STAT5B: variants seen among roughly 807,000 people sequenced by gnomAD.
STAT5B encodes transcription factor STAT5B.
In STAT5B, 21 loss-of-function variants were observed where a neutral mutation model predicts 107.8. The observed-to-expected ratio is 0.19, with a 90% CI of 0.14 to 0.28. The LOEUF is 0.28. STAT5B is among the 10% of genes least tolerant of loss of function. The probability of loss-of-function intolerance (pLI) is 1.00; values close to 1 mark genes in which losing one functional copy is unlikely to be tolerated. For synonymous variants in STAT5B, 325 were observed against 401.7 expected, an observed-to-expected ratio of 0.81 and a Z score of 2.28; for missense variants, 565 against 1,008.2, an observed-to-expected ratio of 0.56 and a Z score of 5.95.
intron 3 of STAT5B, among the ~76,000 whole-genome samples, chr17:42,225,675 ACTAT>A (rs1439816564): frequency 6.6e-6 from 1 of 152,206 alleles, no homozygotes. Flanking sequence ...GATTGCTTAT[ACTAT>A]CTAATACAAA....
upstream of STAT5B, chr17:42,276,512 C>T (rs1465218042): frequency 2.0e-5 from 3 of 150,894 alleles, no homozygotes; most frequent in Non-Finnish European, 4.4e-5. This position sits in a 1 kb window ranked among gnomAD's most constrained non-coding sequence, Gnocchi z 4.8. Flanking sequence ...GGCGCGCGCT[C>T]GCTAGCCCGC....
intron 15 of STAT5B, 34 bp from the exon 16 acceptor site, chr17:42,207,762 C>T: frequency 2.5e-6 from 4 of 1,611,732 alleles, no homozygotes; most frequent in Non-Finnish European, 3.4e-6. Flanking sequence ...ACATTCTAAA[C>T]ATGATTTCTG....
At chr17:42,280,613 C>T (rs1598348985), upstream of STAT5B, among the ~76,000 whole-genome samples, 1 of 152,184 alleles carries the variant, frequency 6.6e-6, no homozygotes, top group Non-Finnish European at 1.5e-5. Context: ...TGAATCCTTC[C>T]ATAGGGGGAT....
Position 42,201,570 on chromosome 17 carries a change from T to C in STAT5B, c.*168A>G. On this transcript the variant is annotated 3_prime_UTR_variant, in exon 19 of 19. Coordinates refer to ENST00000293328, the MANE Select transcript of STAT5B (RefSeq NM_012448.4). Reference sequence around the variant, plus strand: ...CACACACACAAACACATACTCGCACTCCCTTCGCTGGTGCCACCATGCACA... The same window carrying C: ...CACACACACAAACACATACTCGCACCCCCTTCGCTGGTGCCACCATGCACA... 1 of 691,544 alleles carries C rather than the reference T, an allele frequency of 1.4e-6. No homozygotes were observed. The allele number at this position is 691,544 out of a possible 1,614,324, so 42.8% of individuals were successfully genotyped here. A position where few individuals can be genotyped will look rare whatever the true frequency, so the allele number is the denominator to read the frequency against.
chr17:42,214,540 T>C, intron 12 of STAT5B: 1 of 985,418 alleles, frequency 1.0e-6, no homozygotes, highest in Non-Finnish European at 1.2e-6. Context: ...AACTGGAAGG[T>C]AACCCATGCT....
At chr17:42,246,493 T>C (rs1262418006) in intron 1 of STAT5B, among the ~76,000 whole-genome samples, 2 of 152,196 alleles carry the variant, frequency 1.3e-5, no homozygotes, top group Admixed American at 1.3e-4. Flanking sequence ...TAATAGCAGA[T>C]TAATTTGTAA....
intron 13 of STAT5B, among the ~76,000 whole-genome samples, chr17:42,211,235 A>T (rs1317419749): frequency 1.4e-5 from 2 of 148,100 alleles, no homozygotes; most frequent in African/African-American, 2.5e-5. Context: ...GGGTGGGCAC[A>T]GTGGACTCAC....
chr17:42,265,509 T>C (rs945195540), intron 1 of STAT5B, among the ~76,000 whole-genome samples: 2 of 151,750 alleles, frequency 1.3e-5, no homozygotes, highest in African/African-American at 2.4e-5. Context: ...CGTGCCACCA[T>C]GCCCAGCTAA....
At chr17:42,251,722 G>A (rs955472848) in intron 1 of STAT5B, among the ~76,000 whole-genome samples, 1 of 152,090 alleles carries the variant, frequency 6.6e-6, no homozygotes, top group Non-Finnish European at 1.5e-5. Context: ...CAAATAGATT[G>A]GGTGCGGTGG....
intron 9 of STAT5B, 147 bp downstream of exon 9, chr17:42,218,004 C>A (rs1444802664): frequency 2.1e-6 from 3 of 1,398,412 alleles, no homozygotes; most frequent in African/African-American, 1.4e-5. Flanking sequence ...CCACACCAGG[C>A]CCAAGAACTT....
At chr17:42,281,151 A>AC (rs1174979009), upstream of STAT5B, among the ~76,000 whole-genome samples, 9 of 151,966 alleles carry the variant, frequency 5.9e-5, no homozygotes, top group Non-Finnish European at 1.2e-4. Flanking sequence ...AAAAACAAAA[A>AC]CAAAAACAAA....
At chr17:42,264,577 T>A (rs1468608663) in intron 1 of STAT5B, among the ~76,000 whole-genome samples, 2 of 152,122 alleles carry the variant, frequency 1.3e-5, no homozygotes, top group East Asian at 3.8e-4. Flanking sequence ...ATGGTGTGTA[T>A]GTGCCACATT....
At chr17:42,235,009 A>T (rs2080345938) in intron 1 of STAT5B, 1 of 152,364 alleles carries the variant, frequency 6.6e-6, no homozygotes, top group Admixed American at 6.5e-5. Flanking sequence ...CATAGCTCTC[A>T]ATGAATATGT....
chr17:42,202,587 A>C, intron 17 of STAT5B, 140 bp from the exon 18 acceptor site: 1 of 1,425,020 alleles, frequency 7.0e-7, no homozygotes, highest in East Asian at 2.3e-5. Context: ...CTCCAGCTAC[A>C]GGAGTGGGGC....
intron 1 of STAT5B, among the ~76,000 whole-genome samples, chr17:42,244,505 G>T (rs1022710517): frequency 6.6e-6 from 1 of 152,060 alleles, no homozygotes; most frequent in Non-Finnish European, 1.5e-5. Flanking sequence ...AAACTCCTCA[G>T]CTACTACAAT....
chr17:42,213,594 C>T (rs971764857), intron 12 of STAT5B, among the ~76,000 whole-genome samples: 26 of 152,000 alleles, frequency 1.7e-4, no homozygotes, highest in African/African-American at 6.3e-4. Context: ...GTGGCACCAT[C>T]TCAGGTCACT....
In STAT5B at chr17:42,207,700, A is replaced by G. The variant is rs767238307; in HGVS notation, c.1935T>C (p.Pro645=). Residue 645 remains proline, a synonymous_variant, in exon 16 of 19, where the codon CCT becomes CCC. Coordinates refer to ENST00000293328, the MANE Select transcript of STAT5B (RefSeq NM_012448.4). ...SQERMFWNLM[P]FTTRDFSIRS... is the part of the protein sequence containing the mutation. ...GAATGGAGAAGTCTCTGGTGGTAAA[A>G]GGCATCAGATTCCAAAACATTCTTT... 3.1e-6 allele frequency: 5 copies of G among 1,614,168 alleles called. No individual in the cohort carries two copies. The highest frequency in any genetic ancestry group is 2.7e-5 in the African/African-American group (2 of 75,040).
intron 1 of STAT5B, among the ~76,000 whole-genome samples, chr17:42,274,259 T>C (rs1276984336): frequency 3.4e-5 from 5 of 144,942 alleles, no homozygotes; most frequent in Non-Finnish European, 7.5e-5. Flanking sequence ...AATCAACTTT[T>C]TTTTTCTGAT....
chr17:42,222,018 T>C (rs1225688967), intron 5 of STAT5B, among the ~76,000 whole-genome samples: 1 of 132,338 alleles, frequency 7.6e-6, no homozygotes, highest in Non-Finnish European at 1.6e-5. Context: ...CTGTGTGTGG[T>C]GTGGTGTGTG....
Sources: allele counts gnomAD v4.1 joint callset (sites outside exome capture counted in the v4.1 genomes callset), GRCh38; gene constraint gnomAD v4.1.1; non-coding constraint Gnocchi (gnomAD v3.1); transcripts MANE v1.5; gene names NCBI Gene and HGNC (gene_info 2026-07-23, HGNC 2026-07-21).